GBE1: variants seen among roughly 807,000 people sequenced by gnomAD.
GBE1 encodes 1,4-alpha-glucan-branching enzyme.
A neutral mutation model predicts 88.8 loss-of-function variants in GBE1; 70 were observed. That is an observed-to-expected ratio of 0.79 (90% CI 0.65 to 0.96). GBE1 has a LOEUF of 0.96. GBE1 is among the 40% of genes least tolerant of loss of function. The pLI is 0.00. For synonymous variants in GBE1, 284 were observed against 300.1 expected (o/e 0.95, Z 0.56); for missense variants, 872 against 871.0 (o/e 1.00, Z -0.01).
At chr3:81,696,011 A>C (rs1171372489) in intron 2 of GBE1, among the ~76,000 whole-genome samples, 1 of 152,206 alleles carries the variant, frequency 6.6e-6, no homozygotes, top group East Asian at 1.9e-4. Flanking sequence ...GCTATAATAC[A>C]AAGAAGCAAG....
At chr3:81,527,558 A>T (rs552096229) in intron 14 of GBE1, among the ~76,000 whole-genome samples, 241 of 152,292 alleles carry the variant, frequency 1.6e-3, no homozygotes, top group Middle Eastern at 6.8e-3. Flanking sequence ...TGGGCGAAGG[A>T]TATGAACAGA....
At chr3:81,529,165 T>G (rs528837320) in intron 14 of GBE1, among the ~76,000 whole-genome samples, 5 of 152,082 alleles carry the variant, frequency 3.3e-5, no homozygotes, top group Non-Finnish European at 7.4e-5. Context: ...TAACATCATA[T>G]AATCCACTAT....
intron 7 of GBE1, among the ~76,000 whole-genome samples, chr3:81,637,628 T>A (rs567425719): frequency 6.6e-6 from 1 of 152,242 alleles, no homozygotes; most frequent in South Asian, 2.1e-4. Context: ...ATTGGGTGAA[T>A]TGTTCTCTTT....
intron 8 of GBE1, among the ~76,000 whole-genome samples, chr3:81,591,502 C>T (rs1171870524): frequency 6.6e-6 from 1 of 152,160 alleles, no homozygotes; most frequent in East Asian, 1.9e-4. Flanking sequence ...CATTTTCTGT[C>T]ACATTAAGAT....
chr3:81,539,878 G>A lies in GBE1; in HGVS notation c.1619-2783C>T, dbSNP rs945010261. 4.6e-5 allele frequency among the ~76,000 whole-genome samples: 7 copies of A among 151,700 alleles called. No homozygotes were observed. The East Asian group carries it at 9.8e-4, about 21-fold the overall frequency. ...TCAGCATCTGTAGATTTAGAAGAAC[G>A]ATAAAAATAAGGTACTGAAACTCAA... On this transcript the variant is annotated intron_variant, in intron 12 of 15. Coordinates refer to ENST00000429644, the MANE Select transcript of GBE1 (RefSeq NM_000158.4).
chr3:81,554,368 A>C lies in GBE1; in HGVS notation c.1619-17273T>G, dbSNP rs58371986. Among the ~76,000 whole-genome samples the C allele has an allele frequency of 8.2e-3, 1,242 of 152,342 alleles. 24 individuals carry two copies. The highest frequency in any genetic ancestry group is 0.029 in the African/African-American group (1,188 of 41,576). ...TTTTAAGCAGTAGAAAATAAGGCAG[A>C]AAAATGGGATATGAAAGCAAGGAAT... is the stretch of plus-strand genomic sequence containing the variant. On this transcript the variant is annotated intron_variant, in intron 12 of 15. Transcript: ENST00000429644.
chr3:81,560,414 T>C (rs1342491276), intron 12 of GBE1, among the ~76,000 whole-genome samples: 7 of 151,922 alleles, frequency 4.6e-5, no homozygotes, highest in Non-Finnish European at 8.8e-5. Flanking sequence ...CCTACTATGC[T>C]GGGAAGGAAA....
At chr3:81,643,046 C>T (rs1704710155) in intron 6 of GBE1, 56 bp from the exon 7 acceptor site, 6 of 1,163,808 alleles carry the variant, frequency 5.2e-6, no homozygotes, top group African/African-American at 1.5e-5. Flanking sequence ...AGGAAACAGC[C>T]GATTGTGCAG....
intron 6 of GBE1, among the ~76,000 whole-genome samples, chr3:81,645,794 A>G (rs892146904): frequency 4.6e-5 from 7 of 152,208 alleles, no homozygotes; most frequent in African/African-American, 1.7e-4. Context: ...TATTACAGTT[A>G]AAAATAATAA....
intron 1 of GBE1, among the ~76,000 whole-genome samples, chr3:81,729,511 G>A (rs1706157982): frequency 6.6e-6 from 1 of 152,220 alleles, no homozygotes; most frequent in African/African-American, 2.4e-5. Flanking sequence ...ATTGACTTAT[G>A]AGCTAGTAAG....
intron 15 of GBE1, among the ~76,000 whole-genome samples, chr3:81,497,388 G>A (rs773369433): frequency 6.6e-6 from 1 of 152,110 alleles, no homozygotes; most frequent in African/African-American, 2.4e-5. Flanking sequence ...AAATACATGT[G>A]CAATAGCATT....
chr3:81,718,435 C>T (rs1337962059), intron 1 of GBE1, among the ~76,000 whole-genome samples: 2 of 152,140 alleles, frequency 1.3e-5, no homozygotes, highest in Non-Finnish European at 2.9e-5. Flanking sequence ...CTTACTTAAG[C>T]TCTCACAATA....
At chr3:81,577,084 A>C (rs1703658380) in intron 12 of GBE1, among the ~76,000 whole-genome samples, 1 of 151,826 alleles carries the variant, frequency 6.6e-6, no homozygotes, top group East Asian at 1.9e-4. Flanking sequence ...GGGTACAGGC[A>C]CGCACCACCA....
At chr3:81,602,951 T>G (rs1472807855) in intron 7 of GBE1, among the ~76,000 whole-genome samples, 1 of 152,152 alleles carries the variant, frequency 6.6e-6, no homozygotes, top group Non-Finnish European at 1.5e-5. Flanking sequence ...GGCTGACTCA[T>G]GCCCCAATTC....
intron 12 of GBE1, among the ~76,000 whole-genome samples, chr3:81,563,301 A>G (rs1703446022): frequency 6.6e-6 from 1 of 152,154 alleles, no homozygotes; most frequent in African/African-American, 2.4e-5. Flanking sequence ...GCAAAATTAG[A>G]AAGGCGAGAA....
At chr3:81,696,652 T>C (rs1350476432) in intron 2 of GBE1, among the ~76,000 whole-genome samples, 1 of 152,118 alleles carries the variant, frequency 6.6e-6, no homozygotes, top group Non-Finnish European at 1.5e-5. Context: ...GATAAAATTA[T>C]GAAAATTTAA....
chr3:81,687,503 A>G (rs181209333), intron 2 of GBE1, among the ~76,000 whole-genome samples: 1 of 152,324 alleles, frequency 6.6e-6, no homozygotes, highest in Non-Finnish European at 1.5e-5. Context: ...CAAGGCAACT[A>G]TTACGTGAAT....
chr3:81,574,583 C>A (rs1703619546), intron 12 of GBE1, among the ~76,000 whole-genome samples: 1 of 152,136 alleles, frequency 6.6e-6, no homozygotes, highest in African/African-American at 2.4e-5. Flanking sequence ...GCTAACTAAT[C>A]TAGATACTGA....
At chr3:81,688,515 C>CA (rs1705472369) in intron 2 of GBE1, among the ~76,000 whole-genome samples, 1 of 151,778 alleles carries the variant, frequency 6.6e-6, no homozygotes, top group Non-Finnish European at 1.5e-5. Flanking sequence ...ACAATTAACC[C>CA]AAAAAAACAT....
Sources: allele counts gnomAD v4.1 joint callset (sites outside exome capture counted in the v4.1 genomes callset), GRCh38; gene constraint gnomAD v4.1.1; transcripts MANE v1.5; gene names NCBI Gene and HGNC (gene_info 2026-07-23, HGNC 2026-07-21).